FUT8: variants seen among roughly 807,000 people sequenced by gnomAD.
FUT8 encodes fucosyltransferase 8.
In FUT8, 29 loss-of-function variants were observed where a neutral mutation model predicts 71.3. That is an observed-to-expected ratio of 0.41 (90% CI 0.30 to 0.55). The LOEUF (loss-of-function observed/expected upper bound fraction) is 0.55. FUT8 is among the 20% of genes least tolerant of loss of function. FUT8 has a pLI of 0.34. For missense variants in FUT8, 544 were observed against 702.1 expected (o/e 0.77, Z 2.55); for synonymous variants, 254 against 239.3 (o/e 1.06, Z -0.57).
chr14:65,427,619 A>G (rs1595361930), intron 1 of FUT8, among the ~76,000 whole-genome samples: 1 of 151,990 alleles, frequency 6.6e-6, no homozygotes, highest in Non-Finnish European at 1.5e-5. Context: ...TTTTAATTGC[A>G]TTATTTGTTT....
At chr14:65,623,522 C>T (rs1198878377) in intron 5 of FUT8, among the ~76,000 whole-genome samples, 1 of 151,888 alleles carries the variant, frequency 6.6e-6, no homozygotes, top group African/African-American at 2.4e-5. Context: ...AGTTTGAGAC[C>T]AACCTGGCCA....
chr14:65,650,450 T>G (rs945313032), intron 6 of FUT8, among the ~76,000 whole-genome samples: 1 of 151,318 alleles, frequency 6.6e-6, no homozygotes, highest in African/African-American at 2.4e-5. Context: ...CAGAAGGGGA[T>G]GTGAGATGTC....
In FUT8 at chr14:65,559,479, G is replaced by A. The variant is rs570149612; in HGVS notation, c.-227-1858G>A. ...CTATGCCATTTTATGTAAGAAACCC[G>A]AACATCTGTGGATTTTGGTGTCCGT... On this transcript the variant is annotated intron_variant, in intron 2 of 10. Coordinates refer to ENST00000673929, the MANE Select transcript of FUT8 (RefSeq NM_001371533.1). Among the ~76,000 whole-genome samples, 10 of 152,174 alleles carry A rather than the reference G, an allele frequency of 6.6e-5. No individual in the cohort carries two copies. In the East Asian group the frequency reaches 7.7e-4, roughly 12 times the overall value.
At chr14:65,361,064 A>G in the FUT8 span, among the ~76,000 whole-genome samples, 3 of 152,192 alleles carry the variant, frequency 2.0e-5, no homozygotes, top group African/African-American at 7.2e-5. Flanking sequence ...TAAACTGTAA[A>G]GAGCTCTATA....
At chr14:65,589,785 C>T (rs1887590013) in intron 3 of FUT8, among the ~76,000 whole-genome samples, 1 of 152,192 alleles carries the variant, frequency 6.6e-6, no homozygotes, top group African/African-American at 2.4e-5. Flanking sequence ...ACTTCACTCA[C>T]TCAGTTTAAA....
chr14:65,390,745 A>G, the FUT8 span, among the ~76,000 whole-genome samples: 1 of 135,852 alleles, frequency 7.4e-6, no homozygotes. Context: ...TTTTTTTGAG[A>G]TGGAGTCTCG....
chr14:65,438,438 G>A (rs1229393919), intron 1 of FUT8, among the ~76,000 whole-genome samples: 1 of 152,094 alleles, frequency 6.6e-6, no homozygotes, highest in African/African-American at 2.4e-5. Context: ...GAAGTATTTG[G>A]TATTTCCCAG....
intron 3 of FUT8, among the ~76,000 whole-genome samples, chr14:65,604,637 C>A (rs1888475233): frequency 6.6e-6 from 1 of 151,792 alleles, no homozygotes; most frequent in Non-Finnish European, 1.5e-5. Flanking sequence ...TAAATGCCTA[C>A]ATCAAAAAGT....
intron 1 of FUT8, among the ~76,000 whole-genome samples, chr14:65,421,299 T>C (rs1171284362): frequency 3.3e-5 from 5 of 151,952 alleles, no homozygotes; most frequent in African/African-American, 9.7e-5. Flanking sequence ...TGTCTCCACA[T>C]TGAGTAGGCT....
chr14:65,556,441 G>A (rs1213616174), intron 2 of FUT8, among the ~76,000 whole-genome samples: 1 of 152,164 alleles, frequency 6.6e-6, no homozygotes, highest in Non-Finnish European at 1.5e-5. Flanking sequence ...TCTGAAGGCT[G>A]CCCTCAGCTC....
At chr14:65,532,981 T>C (rs1460946822) in intron 2 of FUT8, among the ~76,000 whole-genome samples, 1 of 152,202 alleles carries the variant, frequency 6.6e-6, no homozygotes, top group Admixed American at 6.5e-5. Flanking sequence ...TTTGTTCTGT[T>C]CCATTGGTCT....
Position 65,655,642 on chromosome 14 carries a change from T to C in FUT8, c.598-13601T>C, listed in dbSNP as rs141366467. Reference sequence around the variant, plus strand: ...GTGCACTTAACAGGTTTTCAAAATATATGAAGCAGAAACTGGCAGAACTGA... The same window carrying C: ...GTGCACTTAACAGGTTTTCAAAATACATGAAGCAGAAACTGGCAGAACTGA... On this transcript the variant is annotated intron_variant, in intron 6 of 10. Transcript: ENST00000673929. 3.9e-4 allele frequency among the ~76,000 whole-genome samples: 60 copies of C among 152,302 alleles called. No individual in the cohort carries two copies. The East Asian group carries it at 8.9e-3, about 23-fold the overall frequency.
At chr14:65,680,058 A>T (rs1468135385) in intron 7 of FUT8, among the ~76,000 whole-genome samples, 1 of 152,194 alleles carries the variant, frequency 6.6e-6, no homozygotes, top group African/African-American at 2.4e-5. Flanking sequence ...AGTGAGATAG[A>T]GCCTGAAAGA....
chr14:65,527,336 T>C (rs888792159), intron 2 of FUT8, among the ~76,000 whole-genome samples: 2 of 152,208 alleles, frequency 1.3e-5, no homozygotes, highest in Middle Eastern at 3.2e-3. Context: ...ACTGATACCC[T>C]TTCTTCCAGT....
intron 1 of FUT8, among the ~76,000 whole-genome samples, chr14:65,424,969 T>C (rs2065360324): frequency 6.6e-6 from 1 of 151,918 alleles, no homozygotes; most frequent in Non-Finnish European, 1.5e-5. Flanking sequence ...TGGCCTACTT[T>C]TTTGATATTT....
chr14:65,548,920 A>G (rs1187660308), intron 2 of FUT8, among the ~76,000 whole-genome samples: 1 of 152,190 alleles, frequency 6.6e-6, no homozygotes, highest in African/African-American at 2.4e-5. Flanking sequence ...AAAGATCTCA[A>G]AAGATACTTT....
chr14:65,403,836 A>G, the FUT8 span, among the ~76,000 whole-genome samples: 1 of 151,430 alleles, frequency 6.6e-6, no homozygotes, highest in Admixed American at 6.6e-5. Context: ...TTTTTAAAAT[A>G]TAATAATATG....
At chr14:65,383,517 G>A in the FUT8 span, among the ~76,000 whole-genome samples, 2 of 152,036 alleles carry the variant, frequency 1.3e-5, no homozygotes, top group Non-Finnish European at 2.9e-5. Flanking sequence ...TGATCCGCCT[G>A]CCTTGGCCTC....
intron 10 of FUT8, among the ~76,000 whole-genome samples, chr14:65,741,569 A>T (rs182312260): frequency 2.4e-4 from 36 of 151,524 alleles, no homozygotes; most frequent in Non-Finnish European, 3.5e-4. Context: ...AGTATAATTT[A>T]AAAAAAAAGA....
Sources: gnomAD v4.1 joint callset for allele counts (sites outside exome capture counted in the v4.1 genomes callset) on GRCh38, gnomAD v4.1.1 for gene constraint, MANE v1.5 for transcripts, NCBI Gene and HGNC (gene_info 2026-07-23, HGNC 2026-07-21) for gene names.